TENM2: variants seen among roughly 807,000 people sequenced by gnomAD.
TENM2 encodes teneurin-2.
In TENM2, 52 loss-of-function variants were observed where a neutral mutation model predicts 245.2. That is an observed-to-expected ratio of 0.21 (90% CI 0.17 to 0.27). TENM2 has a LOEUF of 0.27. Ranked by LOEUF, TENM2 falls within the 10% of genes least tolerant of loss-of-function variation. TENM2 has a pLI of 1.00. For synonymous variants in TENM2, 1,363 were observed against 1,438.9 expected (o/e 0.95, Z 1.19); for missense variants, 3,046 against 3,666.8 (o/e 0.83, Z 4.37).
At chr5:167,397,336 A>G (rs748357620) in intron 2 of TENM2, among the ~76,000 whole-genome samples, 5 of 152,158 alleles carry the variant, frequency 3.3e-5, no homozygotes, top group Non-Finnish European at 5.9e-5. Context: ...CATACTCATC[A>G]GGAGACTTAA....
At chr5:167,219,841 C>A in the TENM2 span, among the ~76,000 whole-genome samples, 8 of 152,296 alleles carry the variant, frequency 5.3e-5, no homozygotes, top group African/African-American at 1.7e-4. Flanking sequence ...TTGCCTGAAA[C>A]GCTTTCAACA....
intron 2 of TENM2, among the ~76,000 whole-genome samples, chr5:167,501,151 T>C (rs2081530418): frequency 6.6e-6 from 1 of 152,142 alleles, no homozygotes; most frequent in Non-Finnish European, 1.5e-5. Flanking sequence ...GATGCCTTGG[T>C]TCAAGATTCT....
intron 2 of TENM2, among the ~76,000 whole-genome samples, chr5:167,459,508 A>G (rs1326476197): frequency 6.6e-6 from 1 of 152,204 alleles, no homozygotes; most frequent in Non-Finnish European, 1.5e-5. Flanking sequence ...TTTGGGGTAT[A>G]TACCCCCAAA....
At chr5:168,104,514 G>A (rs746960430) in intron 9 of TENM2, among the ~76,000 whole-genome samples, 26 of 152,016 alleles carry the variant, frequency 1.7e-4, no homozygotes, top group African/African-American at 2.4e-4. Flanking sequence ...AATTTGCCAC[G>A]TTAGCAAGAG....
chr5:167,140,226 C>T, the TENM2 span, among the ~76,000 whole-genome samples: 1 of 152,086 alleles, frequency 6.6e-6, no homozygotes, highest in African/African-American at 2.4e-5. Flanking sequence ...TTGACATAGG[C>T]ATGCAATGTG....
At chr5:167,323,638 C>T (rs996595008) in intron 1 of TENM2, among the ~76,000 whole-genome samples, 5 of 152,030 alleles carry the variant, frequency 3.3e-5, no homozygotes, top group Non-Finnish European at 5.9e-5. Flanking sequence ...GAGCCAAAAT[C>T]GCCTGAAATT....
At chr5:167,054,024 A>G in the TENM2 span, among the ~76,000 whole-genome samples, 1 of 152,166 alleles carries the variant, frequency 6.6e-6, no homozygotes, top group Non-Finnish European at 1.5e-5. Flanking sequence ...ACAATAGGCA[A>G]ACTGACATTG....
intron 2 of TENM2, among the ~76,000 whole-genome samples, chr5:167,733,941 A>G (rs1266737230): frequency 2.0e-5 from 3 of 152,208 alleles, no homozygotes; most frequent in Non-Finnish European, 4.4e-5. Flanking sequence ...AAGTTCAGAG[A>G]TAGAAACTTA....
intron 15 of TENM2, among the ~76,000 whole-genome samples, chr5:168,197,964 A>G (rs932044238): frequency 6.6e-6 from 1 of 152,184 alleles, no homozygotes; most frequent in African/African-American, 2.4e-5. Flanking sequence ...CTAACGTAGT[A>G]TCGTTATAAT....
chr5:168,162,847 C>A (rs1354390262), intron 13 of TENM2, 90 bp downstream of exon 15: 5 of 1,422,816 alleles, frequency 3.5e-6, no homozygotes, highest in Admixed American at 1.8e-5. Flanking sequence ...AAAGACCTCC[C>A]CTGCACTATT....
intron 15 of TENM2, among the ~76,000 whole-genome samples, chr5:168,195,586 GTGTGTGTGTGTGTGTGTGTGTGTGTT>G (rs1761351811): frequency 7.4e-6 from 1 of 135,702 alleles, no homozygotes; most frequent in African/African-American, 3.0e-5. Context: ...GTGTGTGTGT[GTGTGTGTGTGTGTGTGTGTGTGTGTT>G]GGGGTGGGGG....
the TENM2 span, among the ~76,000 whole-genome samples, chr5:167,262,213 C>A: frequency 6.6e-6 from 1 of 152,078 alleles, no homozygotes; most frequent in East Asian, 1.9e-4. Context: ...ACAAAATTAG[C>A]CTGGGGTGGT....
At chr5:167,835,018 A>T (rs1043193349) in intron 2 of TENM2, among the ~76,000 whole-genome samples, 2 of 152,228 alleles carry the variant, frequency 1.3e-5, no homozygotes, top group Middle Eastern at 3.2e-3. Flanking sequence ...CTTTGAATCA[A>T]GAAATATCTG....
At chr5:167,684,296 G>A (rs553317306) in intron 2 of TENM2, among the ~76,000 whole-genome samples, 1 of 152,272 alleles carries the variant, frequency 6.6e-6, no homozygotes, top group South Asian at 2.1e-4. Flanking sequence ...TGAGCACAGG[G>A]GTAGCCTTTG....
chr5:167,535,730 A>G (rs1303506444), intron 2 of TENM2, among the ~76,000 whole-genome samples: 1 of 152,218 alleles, frequency 6.6e-6, no homozygotes, highest in Non-Finnish European at 1.5e-5. Context: ...TGAACTTGCC[A>G]GTATCTTGAA....
intron 2 of TENM2, among the ~76,000 whole-genome samples, chr5:167,549,598 C>T (rs933643368): frequency 2.6e-5 from 4 of 152,110 alleles, no homozygotes; most frequent in Non-Finnish European, 5.9e-5. Flanking sequence ...TGTCCCTCTT[C>T]AGATGCTTTT....
chr5:167,996,381 C>G (rs974928517), intron 5 of TENM2, among the ~76,000 whole-genome samples: 6 of 152,262 alleles, frequency 3.9e-5, no homozygotes, highest in South Asian at 4.2e-4. Context: ...ATAAATTACT[C>G]TGGAAAGCTG....
In TENM2 at chr5:167,495,909, G is replaced by A. The variant is rs554410245; in HGVS notation, c.502+120436G>A. ...TCATTGGTTAAAAACTGATTCTCAT[G>A]ACTTTGAAGCCACACTTAATTTTAT... On this transcript the variant is annotated intron_variant, in intron 2 of 28. Transcript: ENST00000518659. 4.6e-5 allele frequency among the ~76,000 whole-genome samples: 7 copies of A among 152,172 alleles called. No individual in the cohort carries two copies. The East Asian group carries it at 1.4e-3, about 29-fold the overall frequency.
chr5:167,857,659 C>G (rs922512007), intron 2 of TENM2, among the ~76,000 whole-genome samples: 3 of 152,224 alleles, frequency 2.0e-5, no homozygotes, highest in Non-Finnish European at 4.4e-5. Flanking sequence ...ATTTCAAAGA[C>G]CATAGTTTGG....
Sources: gnomAD v4.1 joint callset for allele counts (sites outside exome capture counted in the v4.1 genomes callset) on GRCh38, gnomAD v4.1.1 for gene constraint, MANE v1.5 for transcripts, NCBI Gene and HGNC (gene_info 2026-07-23, HGNC 2026-07-21) for gene names.